IL17RD: variants seen among roughly 807,000 people sequenced by gnomAD.
The protein encoded by IL17RD is interleukin-17 receptor D.
A neutral mutation model predicts 80.5 loss-of-function variants in IL17RD; 52 were observed. That is an observed-to-expected ratio of 0.65 (90% confidence interval 0.52 to 0.81). The LOEUF (loss-of-function observed/expected upper bound fraction) is 0.81. IL17RD is among the 40% of genes least tolerant of loss of function. The pLI is 0.00. For missense variants in IL17RD, 1,024 were observed against 955.1 expected (o/e 1.07, Z -0.95); for synonymous variants, 416 against 391.8 (o/e 1.06, Z -0.73).
rs1707062495 is a variant in IL17RD, at chr3:57,110,185, T to C, written c.429+8A>G. The C allele has an allele frequency of 6.3e-7, 1 of 1,582,246 alleles. No homozygotes were observed. Among genetic ancestry groups the C allele is most frequent in the African/African-American group, 1.3e-5 (1 of 74,400 alleles). ...GTCTTCAGGAGCACGTTCCCCAGTGTGACTTACAGTTCTTTTGAAGCTACT... is the reference window on the plus strand; with the variant it reads ...GTCTTCAGGAGCACGTTCCCCAGTGCGACTTACAGTTCTTTTGAAGCTACT... On this transcript the variant is annotated splice_region_variant and intron_variant, in intron 4 of 12. Transcript: ENST00000296318.
chr3:57,129,719 G>A (rs913549976), intron 1 of IL17RD, among the ~76,000 whole-genome samples: 1 of 152,182 alleles, frequency 6.6e-6, no homozygotes, highest in African/African-American at 2.4e-5. Context: ...AGTGTTAATG[G>A]AAATATTACA....
chr3:57,124,197 G>C (rs1707399538), intron 1 of IL17RD, among the ~76,000 whole-genome samples: 1 of 152,140 alleles, frequency 6.6e-6, no homozygotes, highest in Non-Finnish European at 1.5e-5. Context: ...AACCACCTTA[G>C]CAATGGTATC....
chr3:57,103,257 G>C, intron 8 of IL17RD, 112 bp from the exon 9 acceptor site: 2 of 885,540 alleles, frequency 2.3e-6, no homozygotes, highest in Non-Finnish European at 3.6e-6. Flanking sequence ...TGCGGGAAGG[G>C]GTGGGAAGCA....
At chr3:57,131,904 G>A (rs571494410) in intron 1 of IL17RD, among the ~76,000 whole-genome samples, 11 of 152,350 alleles carry the variant, frequency 7.2e-5, no homozygotes, top group African/African-American at 2.6e-4. Flanking sequence ...ACAAAATTCA[G>A]GCCAGCCATG....
rs1169944869 is a variant in IL17RD, at chr3:57,094,321, T to C, written c.*2072A>G. On this transcript the variant is annotated 3_prime_UTR_variant, in exon 13 of 13. Coordinates refer to ENST00000296318, the MANE Select transcript of IL17RD (RefSeq NM_017563.5). ...TCGGTATATTAAGAGTTTGATTTTA[T>C]TGATCAGAAACATTAGTATTTCAAC... 1.3e-5 allele frequency: 2 copies of C among 152,246 alleles called. No homozygotes were observed. The highest frequency in any genetic ancestry group is 2.9e-5 in the Non-Finnish European group (2 of 68,052). The allele number at this position is 152,246 out of a possible 1,614,324, so 9.4% of individuals were successfully genotyped here.
At chr3:57,107,888 G>A (rs1707000193) in intron 5 of IL17RD, among the ~76,000 whole-genome samples, 1 of 152,086 alleles carries the variant, frequency 6.6e-6, no homozygotes, top group Non-Finnish European at 1.5e-5. Flanking sequence ...TATTTGGAAT[G>A]CCTTTAGAAC....
chr3:57,097,004 CAAAA>C (rs200974175), intron 12 of IL17RD, among the ~76,000 whole-genome samples: 2 of 100,106 alleles, frequency 2.0e-5, no homozygotes, highest in Non-Finnish European at 4.4e-5. Flanking sequence ...GACTCCATCT[CAAAA>C]AAAAAAAAAA....
intron 1 of IL17RD, among the ~76,000 whole-genome samples, chr3:57,163,665 C>A (rs1160387033): frequency 1.3e-5 from 2 of 151,880 alleles, no homozygotes; most frequent in Non-Finnish European, 2.9e-5. Flanking sequence ...AGGAAACTTG[C>A]TAGCTACTAA....
rs920340946 is a variant in IL17RD at position 57,096,287 on chromosome 3, T to C, written c.*106A>G. ...GGCCAGCATTTCACTCCAAATATCCTTGTATGAGACCTCAGCTCCAAGTGG... is the reference window on the plus strand; with the variant it reads ...GGCCAGCATTTCACTCCAAATATCCCTGTATGAGACCTCAGCTCCAAGTGG... On this transcript the variant is annotated 3_prime_UTR_variant, in exon 13 of 13. Coordinates refer to ENST00000296318, the MANE Select transcript of IL17RD (RefSeq NM_017563.5). The C allele has an allele frequency of 1.3e-6, 1 of 782,230 alleles. No individual in the cohort carries two copies. The highest frequency in any genetic ancestry group is 2.5e-5 in the East Asian group (1 of 40,706). The allele number at this position is 782,230 out of a possible 1,614,324, so 48.5% of individuals were successfully genotyped here.
In IL17RD at chr3:57,106,149, C is replaced by T. The variant is rs761343978; in HGVS notation, c.556G>A (p.Asp186Asn). The T allele has an allele frequency of 6.2e-7, 1 of 1,610,636 alleles. No homozygotes were observed. The highest frequency in any genetic ancestry group is 1.1e-5 in the South Asian group (1 of 90,672). ...AGATTGTCCGGCTGTAACAACAGGT[C>T]ACAGGCTATTAAGAGAATAAAGATA... ...HPFFFRTRAC[D>N]LLLQPDNLAC... The change falls in exon 6 of 13, where the codon GAC becomes AAC. Residue 186 changes from aspartate (D) to asparagine (N), a missense_variant. Asp to Asn is a conservative substitution (Grantham distance 23). Transcript: ENST00000296318.
intron 3 of IL17RD, 60 bp from the exon 4 acceptor site, chr3:57,110,371 C>T (rs1707070372): frequency 6.6e-7 from 1 of 1,523,732 alleles, no homozygotes; most frequent in Admixed American, 2.0e-5. Context: ...ACACACTCTT[C>T]TTCCTCCAAG....
upstream of IL17RD, chr3:57,165,418 C>G (rs1287025671): frequency 4.3e-6 from 3 of 705,112 alleles, no homozygotes; most frequent in African/African-American, 5.7e-5. Context: ...GTTGCCAGCC[C>G]GGGCCCCGCC....
At chr3:57,165,370 G>T, upstream of IL17RD, 3 of 1,143,078 alleles carry the variant, frequency 2.6e-6, no homozygotes, top group Non-Finnish European at 3.3e-6. Context: ...TGGCCGCGGC[G>T]GCCGCGGCGG....
rs756080249 is a variant in IL17RD, at chr3:57,098,022, C to T, written c.1681G>A (p.Glu561Lys). Reference protein sequence around the residue: ...QFIDEEPDWFEKQFVPFHPPP... With the variant: ...QFIDEEPDWFKKQFVPFHPPP... ...GGATGGAAGGGAACGAACTGCTTTT[C>T]GAACCAGTCGGGCTCCTCGTCAATA... is the stretch of plus-strand genomic sequence containing the variant. Residue 561 changes from glutamate to lysine, a missense_variant, in exon 12 of 13, where the codon GAA (glutamate) becomes AAA (lysine). Glu to Lys is a moderately conservative substitution (Grantham distance 56). Coordinates refer to ENST00000296318, the MANE Select transcript of IL17RD (RefSeq NM_017563.5). The T allele has an allele frequency of 1.9e-6, 3 of 1,613,936 alleles. No individual in the cohort carries two copies. The highest frequency in any genetic ancestry group is 2.5e-6 in the Non-Finnish European group (3 of 1,179,906).
At chr3:57,108,509 CTTTTTTTTT>C (rs34594516) in intron 5 of IL17RD, among the ~76,000 whole-genome samples, 1 of 49,154 alleles carries the variant, frequency 2.0e-5, no homozygotes, top group Non-Finnish European at 3.2e-5. Context: ...TGATACATGG[CTTTTTTTTT>C]TTTTTTTTTT....
In IL17RD at chr3:57,127,241, A is replaced by T. The variant is rs867385101; in HGVS notation, c.127-6928T>A. ...ATATAAATATATATAAAAATATATAAATATATATATAAATATATATAAATA... is the reference window on the plus strand; with the variant it reads ...ATATAAATATATATAAAAATATATATATATATATATAAATATATATAAATA... On this transcript the variant is annotated intron_variant, in intron 1 of 12. Coordinates refer to ENST00000296318, the MANE Select transcript of IL17RD (RefSeq NM_017563.5). Among the ~76,000 whole-genome samples the T allele has an allele frequency of 4.4e-4, 43 of 97,806 alleles. 1 individual carries two copies. Among genetic ancestry groups the T allele is most frequent in the Admixed American group, 8.2e-4 (6 of 7,320 alleles). 64.2% of individuals were successfully genotyped at this position (97,806 alleles called of 152,430 possible). A position where few individuals can be genotyped will look rare whatever the true frequency, so the allele number is the denominator to read the frequency against.
intron 8 of IL17RD, among the ~76,000 whole-genome samples, chr3:57,103,996 G>A (rs1706895686): frequency 6.6e-6 from 1 of 151,982 alleles, no homozygotes; most frequent in Non-Finnish European, 1.5e-5. Context: ...GAGAAGTATA[G>A]GCAAAATGGG....
intron 1 of IL17RD, among the ~76,000 whole-genome samples, chr3:57,127,282 AT>A (rs1707492867): frequency 2.3e-5 from 2 of 87,778 alleles, no homozygotes; most frequent in Non-Finnish European, 4.1e-5. Flanking sequence ...AAAAATATAT[AT>A]AAATATATAT....
intron 8 of IL17RD, among the ~76,000 whole-genome samples, chr3:57,103,870 A>T (rs1210339332): frequency 6.7e-6 from 1 of 148,772 alleles, no homozygotes. Flanking sequence ...ACGCCCAGCT[A>T]ATTTTTGTAT....
Sources: gnomAD v4.1 joint callset for allele counts (sites outside exome capture counted in the v4.1 genomes callset) on GRCh38, gnomAD v4.1.1 for gene constraint, MANE v1.5 for transcripts, NCBI Gene and HGNC (gene_info 2026-07-23, HGNC 2026-07-21) for gene names.